Variants in SYNDIG1L observed in about 807,000 individuals in gnomAD.
SYNDIG1L encodes synapse differentiation-inducing gene protein 1-like.
A neutral mutation model predicts 20.1 loss-of-function variants in SYNDIG1L; 13 were observed. The ratio of observed to expected loss-of-function variants is 0.65; its 90% CI spans 0.42 to 1.03. The LOEUF (loss-of-function observed/expected upper bound fraction) is 1.03, where lower values mean the gene tolerates loss of function less well. SYNDIG1L is among the 50% of genes least tolerant of loss of function. The pLI, the probability that SYNDIG1L is intolerant of heterozygous loss-of-function variation, is 0.00. For synonymous variants in SYNDIG1L, 128 were observed against 129.3 expected (o/e 0.99, Z 0.07); for missense variants, 294 against 305.1 (o/e 0.96, Z 0.27).
chr14:74,409,874 T>A, intron 1 of SYNDIG1L, 73 bp from the exon 2 acceptor site: 1 of 1,190,464 alleles, frequency 8.4e-7, no homozygotes, highest in Non-Finnish European at 1.1e-6. Flanking sequence ...GTGAAGAGCA[T>A]GGGTCCTGCA....
intron 1 of SYNDIG1L, among the ~76,000 whole-genome samples, chr14:74,413,578 A>G (rs2086149867): frequency 9.0e-6 from 1 of 110,824 alleles, no homozygotes; most frequent in Admixed American, 8.6e-5. Flanking sequence ...TTTCTTTTTT[A>G]TACTGTTTTT....
the SYNDIG1L span, among the ~76,000 whole-genome samples, chr14:74,467,155 C>T: frequency 1.5e-4 from 23 of 152,044 alleles, no homozygotes; most frequent in Non-Finnish European, 2.6e-4. Context: ...TTAGTAGAGA[C>T]GGGGTCTTGC....
At chr14:74,477,217 C>A in the SYNDIG1L span, among the ~76,000 whole-genome samples, 2 of 151,980 alleles carry the variant, frequency 1.3e-5, no homozygotes, top group African/African-American at 2.4e-5. Flanking sequence ...CTGTCTCTTC[C>A]TTGGGAAAAA....
the SYNDIG1L span, among the ~76,000 whole-genome samples, chr14:74,436,957 C>T: frequency 4.6e-5 from 7 of 151,874 alleles, no homozygotes; most frequent in African/African-American, 1.7e-4. Flanking sequence ...TGTAATAGCT[C>T]GTATTTTCCC....
chr14:74,476,182 G>C, the SYNDIG1L span: 1 of 521,854 alleles, frequency 1.9e-6, no homozygotes, highest in Non-Finnish European at 3.4e-6. Flanking sequence ...AGAGGCATAT[G>C]GATGGTTGAG....
At chr14:74,418,647 G>C (rs1438906185) in intron 1 of SYNDIG1L, among the ~76,000 whole-genome samples, 1 of 152,136 alleles carries the variant, frequency 6.6e-6, no homozygotes, top group Non-Finnish European at 1.5e-5. Context: ...TGAGGCCAAG[G>C]CATAAAAGGC....
rs775656351 is a variant in SYNDIG1L at position 74,407,906 on chromosome 14, G to A, written c.501C>T (p.Phe167=). ...GTGGCCAGAAGCAGCAGAGCATGGA[G>A]AAGAGAGTAAGTCCCAGGTGGTCCC... The part of the protein sequence containing the change: ...PPRDHLGLTL[F]SMLCCFWPLG... The change falls in exon 3 of 4, where the codon TTC becomes TTT. Residue 167 remains phenylalanine (F), a synonymous_variant. Coordinates refer to ENST00000331628, the MANE Select transcript of SYNDIG1L (RefSeq NM_001105579.2). The A allele has an allele frequency of 7.4e-6, 12 of 1,613,980 alleles. No homozygotes were observed. The highest frequency in any genetic ancestry group is 1.1e-5 in the South Asian group (1 of 91,062).
At chr14:74,477,193 C>T in the SYNDIG1L span, among the ~76,000 whole-genome samples, 1 of 152,078 alleles carries the variant, frequency 6.6e-6, no homozygotes, top group African/African-American at 2.4e-5. Context: ...ATACCCCAAC[C>T]TCTATTTCCT....
chr14:74,479,960 A>C, the SYNDIG1L span: 1 of 1,314,120 alleles, frequency 7.6e-7, no homozygotes, highest in Non-Finnish European at 9.8e-7. Flanking sequence ...AAGACAAACG[A>C]GTTTTTATTT....
the SYNDIG1L span, among the ~76,000 whole-genome samples, chr14:74,435,001 T>C: frequency 7.7e-6 from 1 of 130,016 alleles, no homozygotes; most frequent in African/African-American, 3.0e-5. Context: ...GAGAATGGAG[T>C]GAACCCAGGA....
chr14:74,459,087 T>C, the SYNDIG1L span, among the ~76,000 whole-genome samples: 1 of 152,078 alleles, frequency 6.6e-6, no homozygotes, highest in Non-Finnish European at 1.5e-5. Context: ...AGCAGCAGCA[T>C]GCACCCAGCA....
chr14:74,424,254 G>T (rs967855602), intron 1 of SYNDIG1L, among the ~76,000 whole-genome samples: 1 of 152,212 alleles, frequency 6.6e-6, no homozygotes, highest in African/African-American at 2.4e-5. Flanking sequence ...TTTTACAGAT[G>T]AGAAAAATGA....
chr14:74,418,395 C>T (rs1371364762), intron 1 of SYNDIG1L, among the ~76,000 whole-genome samples: 2 of 152,222 alleles, frequency 1.3e-5, no homozygotes, highest in African/African-American at 4.8e-5. Context: ...ATTGATTATC[C>T]TTTCTCTCGC....
intron 1 of SYNDIG1L, among the ~76,000 whole-genome samples, chr14:74,421,345 G>A (rs1330628828): frequency 6.6e-6 from 1 of 152,114 alleles, no homozygotes; most frequent in Non-Finnish European, 1.5e-5. Flanking sequence ...CTAAGACATA[G>A]AGCAAAAAGA....
the SYNDIG1L span, chr14:74,472,368 A>T: frequency 6.6e-6 from 1 of 152,186 alleles, no homozygotes; most frequent in African/African-American, 2.4e-5. Flanking sequence ...GCATTGTTTT[A>T]GTTTTGAACA....
upstream of SYNDIG1L, among the ~76,000 whole-genome samples, chr14:74,430,342 G>A (rs1172696667): frequency 6.6e-6 from 1 of 152,154 alleles, no homozygotes; most frequent in Non-Finnish European, 1.5e-5. Context: ...GAGAGGTTGG[G>A]GGTGCCAGGG....
the SYNDIG1L span, among the ~76,000 whole-genome samples, chr14:74,450,964 T>C: frequency 3.3e-5 from 5 of 152,190 alleles, no homozygotes; most frequent in African/African-American, 1.2e-4. Flanking sequence ...ACCTTGTTCA[T>C]GGGTCAGGGG....
At chr14:74,408,578 AAAAG>A (rs1229531875) in intron 2 of SYNDIG1L, among the ~76,000 whole-genome samples, 1 of 151,964 alleles carries the variant, frequency 6.6e-6, no homozygotes, top group African/African-American at 2.4e-5. Flanking sequence ...AAAAAAAAAA[AAAAG>A]AAACACTTTC....
the SYNDIG1L span, among the ~76,000 whole-genome samples, chr14:74,460,207 C>A: frequency 6.3e-4 from 96 of 152,294 alleles, no homozygotes; most frequent in African/African-American, 2.2e-3. Flanking sequence ...GTCTCACCGT[C>A]TCAGCCCTGT....
Sources: gnomAD v4.1 joint callset for allele counts (sites outside exome capture counted in the v4.1 genomes callset) on GRCh38, gnomAD v4.1.1 for gene constraint, MANE v1.5 for transcripts, NCBI Gene and HGNC (gene_info 2026-07-23, HGNC 2026-07-21) for gene names.